SORBS3: variants seen among roughly 807,000 people sequenced by gnomAD.
SORBS3 encodes the protein vinexin.
SORBS3 carries 69 observed loss-of-function variants against 98.0 expected under a neutral mutation model. The observed-to-expected ratio is 0.70, with a 90% confidence interval of 0.58 to 0.86. The LOEUF is 0.86. Ranked by LOEUF, SORBS3 falls within the 40% of genes least tolerant of loss-of-function variation. SORBS3 has a pLI of 0.00. For synonymous variants in SORBS3, 394 were observed against 355.4 expected, an observed-to-expected ratio of 1.11 and a Z score of -1.22; for missense variants, 954 against 908.5, an observed-to-expected ratio of 1.05 and a Z score of -0.64.
upstream of SORBS3, among the ~76,000 whole-genome samples, chr8:22,549,077 G>A (rs1488232143): frequency 6.6e-6 from 1 of 152,246 alleles, no homozygotes; most frequent in African/African-American, 2.4e-5. Flanking sequence ...GGGGAATACT[G>A]ATGCCTGGGA....
At chr8:22,573,330 G>A (rs1840638591) in intron 20 of SORBS3, 2 of 455,042 alleles carry the variant, frequency 4.4e-6, no homozygotes, top group African/African-American at 4.0e-5. Flanking sequence ...ATAAAGTTTT[G>A]CAAACCTATG....
At chr8:22,568,998 C>T (rs928785219) in intron 16 of SORBS3, 150 bp from the exon 17 acceptor site, 6 of 709,032 alleles carry the variant, frequency 8.5e-6, no homozygotes, top group East Asian at 3.3e-5. Context: ...TGTGCCCACC[C>T]GTGGCTGCCC....
At chr8:22,551,762 T>A, upstream of SORBS3, 1 of 984,232 alleles carries the variant, frequency 1.0e-6, no homozygotes, top group Non-Finnish European at 1.2e-6. The surrounding 1 kb of genome is among the most constrained non-coding windows in gnomAD (Gnocchi z 5.8). Flanking sequence ...CGGCCCGCAG[T>A]CCAGATCCGA....
At chr8:22,562,036 CAGCCAGG>C in intron 7 of SORBS3, 105 bp downstream of exon 7, 1 of 1,083,070 alleles carries the variant, frequency 9.2e-7, no homozygotes, top group Non-Finnish European at 1.4e-6. Context: ...CCTCGGAGCC[CAGCCAGG>C]AGTGGGGTCT....
chr8:22,554,404 G>A lies in SORBS3; in HGVS notation c.-55-48G>A. On this transcript the variant is annotated intron_variant, in intron 1 of 20. Coordinates refer to ENST00000240123, the MANE Select transcript of SORBS3 (RefSeq NM_005775.5). This position sits in a 1 kb window ranked among gnomAD's most constrained non-coding sequence, Gnocchi z 6.5. ...CCCAGGGTCGAGCCAAGAGGGCATG[G>A]GCAGCCTAGCCTAGCAGGGCTTTCC... is the stretch of plus-strand genomic sequence containing the variant. 1 of 1,509,532 alleles carries A rather than the reference G, an allele frequency of 6.6e-7. No individual in the cohort carries two copies. The highest frequency in any genetic ancestry group is 8.8e-7 in the Non-Finnish European group (1 of 1,135,792). The allele number at this position is 1,509,532 out of a possible 1,614,324, so 93.5% of individuals were successfully genotyped here.
upstream of SORBS3, among the ~76,000 whole-genome samples, chr8:22,548,958 C>A (rs373296414): frequency 6.6e-6 from 1 of 152,224 alleles, no homozygotes; most frequent in Non-Finnish European, 1.5e-5. Context: ...CTGGTAGTCC[C>A]GTGGCTAATC....
rs1004788297 is a variant in SORBS3, at chr8:22,575,054, G to A, written c.*326G>A. On this transcript the variant is annotated 3_prime_UTR_variant, in exon 21 of 21. Transcript: ENST00000240123. ...TCCCCCACCCCCATCCTGCTCCAGC[G>A]TTTCCTCTAACAGGGACCAGCTCTC... 1.2e-5 allele frequency: 6 copies of A among 504,630 alleles called. No homozygotes were observed. Among genetic ancestry groups the A allele is most frequent in the East Asian group, 4.9e-5 (1 of 20,386 alleles). The allele number at this position is 504,630 out of a possible 1,614,324, so 31.3% of individuals were successfully genotyped here. A position where few individuals can be genotyped will look rare whatever the true frequency, so the allele number is the denominator to read the frequency against.
At position 22,565,866 on chromosome 8, in the gene SORBS3, C is replaced by A. The variant is rs897041125; in HGVS notation, c.944C>A (p.Pro315Gln). The A allele has an allele frequency of 7.9e-7, 1 of 1,267,782 alleles. No individual in the cohort carries two copies. Among genetic ancestry groups the A allele is most frequent in the South Asian group, 2.6e-5 (1 of 37,748 alleles). The allele number at this position is 1,267,782 out of a possible 1,614,324, so 78.5% of individuals were successfully genotyped here. The change falls in exon 12 of 21, where the codon CCG (proline) becomes CAG (glutamine). Residue 315 changes from proline to glutamine, a missense_variant. Coordinates refer to ENST00000240123, the MANE Select transcript of SORBS3 (RefSeq NM_005775.5). ...APRRAPEQRPPAGPASAWSSS... is the reference protein window; with the variant it reads ...APRRAPEQRPQAGPASAWSSS... The stretch of plus-strand genomic sequence containing the variant: ...CGACGGGCCCCGGAGCAGCGGCCCC[C>A]GGCCGGGTGAGTGGGAGACGCGGGA...
intron 11 of SORBS3, 107 bp from the exon 12 acceptor site, chr8:22,565,719 G>T: frequency 8.1e-7 from 1 of 1,233,540 alleles, no homozygotes. Flanking sequence ...CCCGCGTCCC[G>T]CCCGCTCTCC....
At chr8:22,561,780 T>G in intron 6 of SORBS3, 85 bp from the exon 7 acceptor site, 1 of 1,273,986 alleles carries the variant, frequency 7.8e-7, no homozygotes, top group Non-Finnish European at 1.1e-6. Context: ...GCTGAAACTC[T>G]AAATAATCAC....
In SORBS3 at chr8:22,564,515, C is replaced by T. The variant is rs1436110042; in HGVS notation, c.810C>T (p.Pro270=). The change falls in exon 10 of 21, where the codon CCC becomes CCT. Residue 270 remains proline, a synonymous_variant. Coordinates refer to ENST00000240123, the MANE Select transcript of SORBS3 (RefSeq NM_005775.5). Reference sequence around the variant, plus strand: ...ACCCTGGTGAGAAGCCCTCCCAGCCCATTGAGGTGAGTGCTGCAGGGTGCT... The same window carrying T: ...ACCCTGGTGAGAAGCCCTCCCAGCCTATTGAGGTGAGTGCTGCAGGGTGCT... ...VDDPGEKPSQ[P]IEVLLERELA... is the part of the protein sequence containing the mutation. 1.2e-6 allele frequency: 2 copies of T among 1,613,940 alleles called. No homozygotes were observed. Among genetic ancestry groups the T allele is most frequent in the Non-Finnish European group, 1.7e-6 (2 of 1,180,028 alleles).
chr8:22,560,605 G>A (rs1473543377), intron 5 of SORBS3, among the ~76,000 whole-genome samples: 4 of 152,220 alleles, frequency 2.6e-5, no homozygotes, highest in South Asian at 2.1e-4. Context: ...ATTTGGCAAC[G>A]TGGAGGTCAC....
upstream of SORBS3, among the ~76,000 whole-genome samples, chr8:22,547,795 G>A (rs774115018): frequency 3.3e-5 from 5 of 152,202 alleles, no homozygotes; most frequent in South Asian, 2.1e-4. Context: ...AAGACACCCC[G>A]TCTGTGCATT....
Position 22,569,168 on chromosome 8 carries a change from C to G in SORBS3, c.1326C>G (p.Ile442Met). Residue 442 changes from isoleucine to methionine, a missense_variant, in exon 17 of 21, where the codon ATC becomes ATG. By Grantham distance (10) the Ile-to-Met change is conservative (BLOSUM62 1). Transcript: ENST00000240123. ...NYVEVLPADE[I>M]PKPIKPPTYQ... ...TGCAGGTGCTGCCCGCAGATGAGAT[C>G]CCTAAGCCCATCAAGCCCCCGACCT... 1 of 1,610,298 alleles carries G rather than the reference C, an allele frequency of 6.2e-7. No homozygotes were observed. Among genetic ancestry groups the G allele is most frequent in the Non-Finnish European group, 8.5e-7 (1 of 1,178,106 alleles).
Position 22,554,760 on chromosome 8 carries a change from C to G in SORBS3, c.103-103C>G. On this transcript the variant is annotated intron_variant, in intron 2 of 20. Transcript: ENST00000240123. The surrounding 1 kb of genome is among the most constrained non-coding windows in gnomAD (Gnocchi z 6.5). The stretch of plus-strand genomic sequence containing the variant: ...GCTGGTTTCCCACAAAATCGTCAGG[C>G]GGGCCTGGGACTGTCACCGAGGGGT... 1 of 1,370,898 alleles carries G rather than the reference C, an allele frequency of 7.3e-7. No homozygotes were observed. Among genetic ancestry groups the G allele is most frequent in the Non-Finnish European group, 1.0e-6 (1 of 1,004,960 alleles). 84.9% of individuals were successfully genotyped at this position (1,370,898 alleles called of 1,614,324 possible). A position where few individuals can be genotyped will look rare whatever the true frequency, so the allele number is the denominator to read the frequency against.
At chr8:22,568,834 C>T (rs1840491824) in intron 16 of SORBS3, among the ~76,000 whole-genome samples, 1 of 152,218 alleles carries the variant, frequency 6.6e-6, no homozygotes. Flanking sequence ...TCATTTTCTT[C>T]TGTGGTCCAA....
At chr8:22,572,003 C>G (rs1332220922) in intron 19 of SORBS3, among the ~76,000 whole-genome samples, 182 bp downstream of exon 19, 1 of 152,180 alleles carries the variant, frequency 6.6e-6, no homozygotes, top group Non-Finnish European at 1.5e-5. Context: ...TGTGATGTTC[C>G]CAATCCCTCC....
At position 22,569,270 on chromosome 8, in the gene SORBS3, C is replaced by G; in HGVS notation, c.1428C>G (p.Arg476=). The G allele has an allele frequency of 6.3e-7, 1 of 1,588,612 alleles. No individual in the cohort carries two copies. The highest frequency in any genetic ancestry group is 8.6e-7 in the Non-Finnish European group (1 of 1,166,206). Residue 476 remains arginine, a synonymous_variant, in exon 17 of 21, where the codon CGC becomes CGG. Transcript: ENST00000240123. ...ACCTGGAGGTGGAGCTGTCCTTCCG[C>G]AAGGTGGGCCAGGCCGGAGACGGAG... ...KGDLEVELSF[R]KGEHICLIRK...
At position 22,567,108 on chromosome 8, in the gene SORBS3, T is replaced by C; in HGVS notation, c.1238T>C (p.Val413Ala). Residue 413 changes from valine (V) to alanine (A), a missense_variant, in exon 16 of 21, where the codon GTG becomes GCG. Physicochemically the swap from Val to Ala is moderately conservative, Grantham distance 64. Coordinates refer to ENST00000240123, the MANE Select transcript of SORBS3 (RefSeq NM_005775.5). The part of the protein sequence containing the change: ...KGDIVYIHKE[V>A]DKNWLEGEHH... ...GACATTGTCTACATCCACAAGGAGG[T>C]GGACAAGAACTGGCTGGAGGGAGAG... 2 of 1,613,324 alleles carry C rather than the reference T, an allele frequency of 1.2e-6. No homozygotes were observed. Among genetic ancestry groups the C allele is most frequent in the Non-Finnish European group, 1.7e-6 (2 of 1,179,818 alleles).
Sources: allele counts gnomAD v4.1 joint callset (sites outside exome capture counted in the v4.1 genomes callset), GRCh38; gene constraint gnomAD v4.1.1; non-coding constraint Gnocchi (gnomAD v3.1); transcripts MANE v1.5; gene names NCBI Gene and HGNC (gene_info 2026-07-23, HGNC 2026-07-21).